The following SYN3 variants were observed in gnomAD, a reference collection of about 807,000 sequenced individuals.
SYN3 encodes the protein synapsin-3.
SYN3 carries 35 observed loss-of-function variants against 65.8 expected under a neutral mutation model. The observed-to-expected ratio is 0.53, with a 90% CI of 0.41 to 0.70. The LOEUF (loss-of-function observed/expected upper bound fraction) is 0.70, where lower values mean the gene tolerates loss of function less well. SYN3 is among the 30% of genes least tolerant of loss of function. SYN3 has a pLI of 0.00. For missense variants in SYN3, 680 were observed against 749.0 expected, an observed-to-expected ratio of 0.91 and a Z score of 1.08; for synonymous variants, 270 against 292.9, an observed-to-expected ratio of 0.92 and a Z score of 0.80.
intron 6 of SYN3, among the ~76,000 whole-genome samples, chr22:32,692,845 A>G (rs2147163888): frequency 6.6e-6 from 1 of 152,316 alleles, no homozygotes; most frequent in Non-Finnish European, 1.5e-5. Context: ...CAGGTGTACT[A>G]CATGTTTTCG....
At chr22:32,753,175 A>G (rs910451416) in intron 6 of SYN3, among the ~76,000 whole-genome samples, 46 of 152,008 alleles carry the variant, frequency 3.0e-4, no homozygotes, top group Admixed American at 3.0e-3. Context: ...CCCCCAGAAA[A>G]CCAAACAGTA....
At chr22:32,943,072 T>C (rs1251225710) in intron 3 of SYN3, among the ~76,000 whole-genome samples, 3 of 152,036 alleles carry the variant, frequency 2.0e-5, no homozygotes, top group Non-Finnish European at 2.9e-5. Flanking sequence ...CAGGCCAACA[T>C]TCAAATTCAG....
chr22:33,010,736 T>A (rs932455653), intron 1 of SYN3, among the ~76,000 whole-genome samples: 3 of 152,230 alleles, frequency 2.0e-5, no homozygotes, highest in Non-Finnish European at 4.4e-5. Context: ...AGTAGAATTG[T>A]CACTGAACAA....
intron 2 of SYN3, among the ~76,000 whole-genome samples, chr22:32,993,538 G>T (rs1185976109): frequency 6.6e-6 from 1 of 152,152 alleles, no homozygotes; most frequent in African/African-American, 2.4e-5. Flanking sequence ...TAGAGATGGG[G>T]TTTCACCATA....
chr22:33,018,553 A>G (rs2053509007), intron 1 of SYN3, among the ~76,000 whole-genome samples: 1 of 152,212 alleles, frequency 6.6e-6, no homozygotes, highest in South Asian at 2.1e-4. Context: ...AAGGTTAAAT[A>G]AAGGATGAAA....
At chr22:32,968,989 G>A (rs1427573491) in intron 3 of SYN3, among the ~76,000 whole-genome samples, 1 of 152,110 alleles carries the variant, frequency 6.6e-6, no homozygotes, top group Non-Finnish European at 1.5e-5. Context: ...GAAGTGAAAG[G>A]GCTTACTAAG....
chr22:32,724,344 A>G (rs895751353), intron 6 of SYN3, among the ~76,000 whole-genome samples: 1 of 152,176 alleles, frequency 6.6e-6, no homozygotes, highest in Admixed American at 6.5e-5. Context: ...CTCCTACCTC[A>G]GCTTCCCATG....
chr22:32,615,845 T>C (rs889439787), intron 6 of SYN3, among the ~76,000 whole-genome samples: 5 of 152,184 alleles, frequency 3.3e-5, no homozygotes, highest in South Asian at 2.1e-4. Context: ...GAGGTCTTCC[T>C]GGGAGAAAGG....
intron 6 of SYN3, among the ~76,000 whole-genome samples, chr22:32,722,329 A>C (rs1042281635): frequency 6.6e-6 from 1 of 152,178 alleles, no homozygotes; most frequent in African/African-American, 2.4e-5. Context: ...TGGTGTACCA[A>C]GGTGGAGAAA....
intron 6 of SYN3, among the ~76,000 whole-genome samples, chr22:32,846,775 C>T (rs1303425550): frequency 1.3e-5 from 2 of 152,108 alleles, no homozygotes; most frequent in Non-Finnish European, 2.9e-5. Context: ...GCTAAGAAAG[C>T]CAGAGAGATT....
In SYN3 at chr22:32,668,342, C is replaced by T. The variant is rs1034453746; in HGVS notation, c.712-71606G>A. ...AATGACAATCGGTTTTGTTTCTCCT[C>T]ACTTCCCTCATTTCCACCCCCCCTT... is the stretch of plus-strand genomic sequence containing the variant. On this transcript the variant is annotated intron_variant, in intron 6 of 13. Coordinates refer to ENST00000358763, the MANE Select transcript of SYN3 (RefSeq NM_003490.4). 3.1e-4 allele frequency among the ~76,000 whole-genome samples: 47 copies of T among 152,032 alleles called. 3 individuals are homozygous for T. Among genetic ancestry groups the T allele is most frequent in the Non-Finnish European group, 7.4e-5 (5 of 68,006 alleles).
At chr22:32,847,819 G>A (rs2048111922) in intron 6 of SYN3, among the ~76,000 whole-genome samples, 1 of 152,194 alleles carries the variant, frequency 6.6e-6, no homozygotes, top group Admixed American at 6.5e-5. Flanking sequence ...AGGGCTGAAG[G>A]AGTTCAATTT....
intron 7 of SYN3, among the ~76,000 whole-genome samples, chr22:32,560,672 G>A (rs1288291567): frequency 2.0e-5 from 3 of 152,088 alleles, no homozygotes; most frequent in African/African-American, 7.2e-5. Context: ...GTCATGTAGG[G>A]TCTCAGAGCC....
intron 6 of SYN3, among the ~76,000 whole-genome samples, chr22:32,760,670 T>TCTG (rs143623677): frequency 0.019 from 2,817 of 152,174 alleles, 48 homozygotes; most frequent in Middle Eastern, 0.051. Context: ...TTCACCAGGC[T>TCTG]CTGAGGGTGG....
chr22:32,536,573 G>A (rs1315767512), intron 9 of SYN3, among the ~76,000 whole-genome samples: 4 of 152,214 alleles, frequency 2.6e-5, no homozygotes, highest in East Asian at 1.9e-4. Flanking sequence ...CAATCACAGC[G>A]TTGCAGTGTC....
chr22:32,641,607 C>CA (rs34461957), intron 6 of SYN3, among the ~76,000 whole-genome samples: 14,858 of 67,622 alleles, frequency 0.22, 1,805 homozygotes, highest in East Asian at 0.36. Context: ...GACTCCATCT[C>CA]AAAAAAAAAA....
In SYN3 at chr22:32,857,347, G is replaced by A. The variant is rs2146286313; in HGVS notation, c.711+7568C>T. The A allele has an allele frequency of 6.2e-7, 1 of 1,613,830 alleles. No individual in the cohort carries two copies. Among genetic ancestry groups the A allele is most frequent in the Non-Finnish European group, 8.5e-7 (1 of 1,179,702 alleles). On this transcript the variant is annotated intron_variant, in intron 6 of 13. Transcript: ENST00000358763. Reference sequence around the variant, plus strand: ...TTAAGCTGGAGGTCAACAAGTACCAGTACCTGCTGACAGGTAATGGCCAAC... The same window carrying A: ...TTAAGCTGGAGGTCAACAAGTACCAATACCTGCTGACAGGTAATGGCCAAC...
At chr22:32,872,092 C>G (rs977823557) in intron 4 of SYN3, among the ~76,000 whole-genome samples, 1 of 152,096 alleles carries the variant, frequency 6.6e-6, no homozygotes, top group South Asian at 2.1e-4. Flanking sequence ...TTGCCCCAAC[C>G]CTCGTTTTGC....
intron 6 of SYN3, among the ~76,000 whole-genome samples, chr22:32,688,411 G>A (rs953473705): frequency 6.6e-5 from 10 of 152,166 alleles, no homozygotes; most frequent in South Asian, 6.2e-4. Context: ...AGTCTTGCCC[G>A]AGGTGGGAAT....
Sources: gnomAD v4.1 joint callset for allele counts (sites outside exome capture counted in the v4.1 genomes callset) on GRCh38, gnomAD v4.1.1 for gene constraint, MANE v1.5 for transcripts, NCBI Gene and HGNC (gene_info 2026-07-23, HGNC 2026-07-21) for gene names.